SH3YL1: variants seen among roughly 807,000 people sequenced by gnomAD.
The protein encoded by SH3YL1 is SH3 domain-containing YSC84-like protein 1.
SH3YL1 carries 41 observed loss-of-function variants against 45.8 expected under a neutral mutation model. That is an observed-to-expected ratio of 0.89 (90% CI 0.70 to 1.16). The LOEUF is 1.16. SH3YL1 is among the 50% of genes most tolerant of loss of function. The pLI is 0.00. For synonymous variants in SH3YL1, 152 were observed against 151.4 expected, an observed-to-expected ratio of 1.00 and a Z score of -0.03; for missense variants, 389 against 409.6, an observed-to-expected ratio of 0.95 and a Z score of 0.43.
intron 1 of SH3YL1, among the ~76,000 whole-genome samples, chr2:258,824 T>C (rs1015442415): frequency 6.6e-6 from 1 of 152,236 alleles, no homozygotes; most frequent in Non-Finnish European, 1.5e-5. Flanking sequence ...CAAAGCTTCA[T>C]GGCAGTTGTT....
intron 1 of SH3YL1, among the ~76,000 whole-genome samples, chr2:262,983 C>A (rs1669649285): frequency 6.6e-6 from 1 of 152,162 alleles, no homozygotes; most frequent in Admixed American, 6.5e-5. Context: ...ATCATTTTAA[C>A]CTCCAACATA....
At chr2:226,550 G>A (rs552550462) in intron 8 of SH3YL1, among the ~76,000 whole-genome samples, 1 of 152,194 alleles carries the variant, frequency 6.6e-6, no homozygotes, top group African/African-American at 2.4e-5. Context: ...GGTGGGGAAG[G>A]TATATGCTGA....
chr2:233,206 A>G lies in SH3YL1; in HGVS notation c.428T>C (p.Leu143Pro). The G allele has an allele frequency of 6.3e-7, 1 of 1,580,978 alleles. No homozygotes were observed. The highest frequency in any genetic ancestry group is 1.2e-5 in the South Asian group (1 of 86,038). The change falls in exon 6 of 10, where the codon CTG becomes CCG. Residue 143 changes from leucine (L) to proline (P), a missense_variant. Coordinates refer to ENST00000356150, the MANE Select transcript of SH3YL1 (RefSeq NM_015677.4). ...CGTGAAGACGGCAGCGGAGCTTCTC[A>G]GGGCCACGTTTCCTTCCAAGTTCCT... is the stretch of plus-strand genomic sequence containing the variant. ...LGRNLEGNVA[L>P]RSSAAVFTYC...
At chr2:247,675 G>C in intron 3 of SH3YL1, 73 bp from the exon 4 acceptor site, 1 of 1,186,322 alleles carries the variant, frequency 8.4e-7, no homozygotes. Context: ...AAGGAAAAAT[G>C]CTAAAATCTA....
intron 1 of SH3YL1, 194 bp downstream of exon 1, chr2:263,789 AC>A (rs1288763154): frequency 2.1e-5 from 10 of 484,750 alleles, no homozygotes; most frequent in Non-Finnish European, 3.4e-5. Context: ...CGGTGGCTAA[AC>A]TTCAATCAAA....
At position 218,763 on chromosome 2, in the gene SH3YL1, G is replaced by T; in HGVS notation, c.*48C>A. On this transcript the variant is annotated 3_prime_UTR_variant, in exon 10 of 10. Coordinates refer to ENST00000356150, the MANE Select transcript of SH3YL1 (RefSeq NM_015677.4). ...TGCTTAACTAGTAAATCCTGTCAGT[G>T]TAGAAATAATTTTTTTGTAATTCTC... 6.9e-7 allele frequency: 1 copy of T among 1,456,414 alleles called. No individual in the cohort carries two copies. The highest frequency in any genetic ancestry group is 9.3e-7 in the Non-Finnish European group (1 of 1,074,024). 90.2% of individuals were successfully genotyped at this position (1,456,414 alleles called of 1,614,324 possible).
intron 8 of SH3YL1, among the ~76,000 whole-genome samples, chr2:225,251 G>A (rs1251261383): frequency 6.6e-6 from 1 of 152,208 alleles, no homozygotes; most frequent in African/African-American, 2.4e-5. Context: ...ATTCATGGAA[G>A]GATTTACACT....
chr2:241,802 C>G (rs1190028058), intron 4 of SH3YL1: 1 of 151,818 alleles, frequency 6.6e-6, no homozygotes, highest in Non-Finnish European at 1.5e-5. Context: ...AAGTATATTT[C>G]AAAAATGAAG....
chr2:242,787 T>G, intron 4 of SH3YL1: 6 of 1,537,570 alleles, frequency 3.9e-6, no homozygotes, highest in Non-Finnish European at 5.3e-6. Flanking sequence ...ACGCTTTAGA[T>G]TCAAAGTTAC....
At chr2:220,683 C>A (rs1459376389) in intron 9 of SH3YL1, among the ~76,000 whole-genome samples, 1 of 152,194 alleles carries the variant, frequency 6.6e-6, no homozygotes, top group Admixed American at 6.5e-5. Context: ...GATCAGGATG[C>A]AAGCTAATGC....
At chr2:223,175 C>T (rs996514903) in intron 9 of SH3YL1, among the ~76,000 whole-genome samples, 2 of 152,156 alleles carry the variant, frequency 1.3e-5, no homozygotes, top group Admixed American at 6.5e-5. Context: ...CCTTTGGGTC[C>T]CACAGCTGGT....
chr2:262,558 G>GA lies in SH3YL1; in HGVS notation c.1+1425dup, dbSNP rs1429283434. On this transcript the variant is annotated intron_variant, in intron 1 of 9. Transcript: ENST00000356150. ...GAGTAAAAAATGGGATCTTCTCAGA[G>GA]AAAATTTTTTTAAAAACTTCATGTG... is the stretch of plus-strand genomic sequence containing the variant. 23 of 1,302,592 alleles carry GA rather than the reference G, an allele frequency of 1.8e-5. No homozygotes were observed. The South Asian group carries it at 2.3e-4, about 13-fold the overall frequency. The allele number at this position is 1,302,592 out of a possible 1,614,324, so 80.7% of individuals were successfully genotyped here. A position where few individuals can be genotyped will look rare whatever the true frequency, so the allele number is the denominator to read the frequency against.
chr2:264,772 G>C (rs535478309), upstream of SH3YL1: 276 of 583,386 alleles, frequency 4.7e-4, no homozygotes, highest in African/African-American at 4.8e-3. Context: ...CTCCCCGCCC[G>C]TCCTACTACC....
chr2:223,549 T>C (rs75688511), intron 9 of SH3YL1, among the ~76,000 whole-genome samples: 192 of 152,296 alleles, frequency 1.3e-3, no homozygotes, highest in African/African-American at 4.4e-3. Context: ...ATCTAGGTGT[T>C]TACGCTGTCT....
intron 8 of SH3YL1, among the ~76,000 whole-genome samples, chr2:227,088 T>C (rs1408499021): frequency 6.6e-6 from 1 of 150,982 alleles, no homozygotes; most frequent in Non-Finnish European, 1.5e-5. Context: ...TAGTGGGGAC[T>C]ATTATGGTGG....
At chr2:237,196 T>C (rs1422453942) in intron 4 of SH3YL1, among the ~76,000 whole-genome samples, 3 of 151,956 alleles carry the variant, frequency 2.0e-5, no homozygotes, top group Non-Finnish European at 4.4e-5. Context: ...CTGGTTCTTA[T>C]GTTCCGCTTC....
In SH3YL1 at chr2:234,076, T is replaced by C. The variant is rs1572152628; in HGVS notation, c.404+84A>G. On this transcript the variant is annotated intron_variant, in intron 5 of 9. Transcript: ENST00000356150. Reference sequence around the variant, plus strand: ...ATCTGGGGATGTACAAATCTGTTCATTTTAATTCAAGTTTCCTATTAATGC... The same window carrying C: ...ATCTGGGGATGTACAAATCTGTTCACTTTAATTCAAGTTTCCTATTAATGC... 7.8e-6 allele frequency: 8 copies of C among 1,029,782 alleles called. No homozygotes were observed. The East Asian group carries it at 1.7e-4, about 22-fold the overall frequency. The allele number at this position is 1,029,782 out of a possible 1,614,324, so 63.8% of individuals were successfully genotyped here. A position where few individuals can be genotyped will look rare whatever the true frequency, so the allele number is the denominator to read the frequency against.
intron 4 of SH3YL1, chr2:243,567 T>TG: frequency 7.3e-7 from 1 of 1,363,798 alleles, no homozygotes; most frequent in Non-Finnish European, 9.8e-7. Context: ...ATGTGTCTAT[T>TG]AAAAAAAAAA....
Position 228,268 on chromosome 2 carries a change from A to G in SH3YL1, c.781+1698T>C, listed in dbSNP as rs114401478. On this transcript the variant is annotated intron_variant, in intron 8 of 9. Transcript: ENST00000356150. ...GAGGGCACTGCCCATCTCCCCAAGA[A>G]AGGGTTCGGGGAACACACGTGGTCA... Among the ~76,000 whole-genome samples, 881 of 152,304 alleles carry G rather than the reference A, an allele frequency of 5.8e-3. 12 individuals are homozygous for G. Among genetic ancestry groups the G allele is most frequent in the African/African-American group, 0.02 (843 of 41,576 alleles).
Sources: allele counts gnomAD v4.1 joint callset (sites outside exome capture counted in the v4.1 genomes callset), GRCh38; gene constraint gnomAD v4.1.1; transcripts MANE v1.5; gene names NCBI Gene and HGNC (gene_info 2026-07-23, HGNC 2026-07-21).